MYLK: variants seen among roughly 807,000 people sequenced by gnomAD.
MYLK encodes the protein myosin light chain kinase, smooth muscle.
In MYLK, 106 loss-of-function variants were observed where a neutral mutation model predicts 203.4. The ratio of observed to expected loss-of-function variants is 0.52; its 90% CI spans 0.45 to 0.61. The LOEUF (loss-of-function observed/expected upper bound fraction) is 0.61, where lower values mean the gene tolerates loss of function less well. Ranked by LOEUF, MYLK falls within the 20% of genes least tolerant of loss-of-function variation. The probability of loss-of-function intolerance (pLI) is 0.00; values close to 1 mark genes in which losing one functional copy is unlikely to be tolerated. For synonymous variants in MYLK, 867 were observed against 959.5 expected, an observed-to-expected ratio of 0.90 and a Z score of 1.78; for missense variants, 2,072 against 2,442.3, an observed-to-expected ratio of 0.85 and a Z score of 3.20.
chr3:123,864,118 T>C (rs954847775), intron 2 of MYLK, among the ~76,000 whole-genome samples: 4 of 152,206 alleles, frequency 2.6e-5, no homozygotes, highest in Admixed American at 6.5e-5. Context: ...TACAATTTCA[T>C]TTATGTGAAG....
chr3:123,620,289 T>G lies in MYLK; in HGVS notation c.5286A>C (p.Ala1762=). 1 of 1,614,202 alleles carries G rather than the reference T, an allele frequency of 6.2e-7. No individual in the cohort carries two copies. The highest frequency in any genetic ancestry group is 8.5e-7 in the Non-Finnish European group (1 of 1,180,036). ...TCCTGCCACTGAGCCCTGAGATCAT[T>G]GCCATAGAGGACAGTCTTCCAATGG... ...VRAIGRLSSM[A]MISGLSGRKS... The change falls in exon 32 of 34, where the codon GCA becomes GCC. Residue 1762 remains alanine (A), a synonymous_variant. Transcript: ENST00000360304.
chr3:123,701,624 G>T (rs1576631304), intron 16 of MYLK, 115 bp from the exon 17 acceptor site: 1 of 988,758 alleles, frequency 1.0e-6, no homozygotes, highest in Non-Finnish European at 1.6e-6. Context: ...TCGCCGGCTT[G>T]ACTGAGACAT....
chr3:123,710,323 G>A (rs1185370258), intron 13 of MYLK, among the ~76,000 whole-genome samples: 1 of 148,356 alleles, frequency 6.7e-6, no homozygotes, highest in African/African-American at 2.5e-5. Flanking sequence ...AATGATCTAC[G>A]TGTGTAACAT....
chr3:123,820,869 G>A (rs961874445), intron 3 of MYLK, among the ~76,000 whole-genome samples: 4 of 152,052 alleles, frequency 2.6e-5, no homozygotes, highest in Non-Finnish European at 4.4e-5. Context: ...GATTACGAGT[G>A]TGCACCACCA....
At chr3:123,685,769 G>A (rs866631177) in intron 19 of MYLK, among the ~76,000 whole-genome samples, 15 of 152,138 alleles carry the variant, frequency 9.9e-5, no homozygotes, top group Middle Eastern at 3.4e-3. Flanking sequence ...CTCCGTCCTC[G>A]GCCCTAGGGT....
At chr3:123,819,715 A>G (rs975199522) in intron 3 of MYLK, among the ~76,000 whole-genome samples, 1 of 143,242 alleles carries the variant, frequency 7.0e-6, no homozygotes, top group Non-Finnish European at 1.5e-5. Flanking sequence ...TTATTTTCTT[A>G]TTATTCCTGT....
At chr3:123,820,571 A>G (rs955979040) in intron 3 of MYLK, among the ~76,000 whole-genome samples, 1 of 152,052 alleles carries the variant, frequency 6.6e-6, no homozygotes, top group Non-Finnish European at 1.5e-5. Context: ...TCTAGCTTGC[A>G]GATACCCATG....
Position 123,709,749 on chromosome 3 carries a change from G to C in MYLK, c.1942+7C>G. 1 of 1,613,652 alleles carries C rather than the reference G, an allele frequency of 6.2e-7. No individual in the cohort carries two copies. ...TTAATCCCCAAGAGAGAGCTGCAGA[G>C]ACAGACCTGACACTTGGACAGTCAT... On this transcript the variant is annotated splice_region_variant and intron_variant, in intron 14 of 33. Transcript: ENST00000360304.
chr3:123,679,506 A>G (rs578143051), intron 20 of MYLK, among the ~76,000 whole-genome samples: 42 of 151,800 alleles, frequency 2.8e-4, no homozygotes, highest in Non-Finnish European at 1.0e-4. Context: ...CACCGCTCTC[A>G]GTGTTGGGGT....
chr3:123,635,396 C>T (rs2058603632), intron 29 of MYLK, among the ~76,000 whole-genome samples: 1 of 152,244 alleles, frequency 6.6e-6, no homozygotes, highest in Non-Finnish European at 1.5e-5. Context: ...AACTCCCTGA[C>T]TTCCATCCAT....
At chr3:123,804,248 G>C (rs933255562) in intron 3 of MYLK, among the ~76,000 whole-genome samples, 1 of 152,176 alleles carries the variant, frequency 6.6e-6, no homozygotes. Context: ...TCTTGCAGGG[G>C]GCAGGGAGGG....
At chr3:123,686,124 T>C (rs1311737739) in intron 19 of MYLK, among the ~76,000 whole-genome samples, 1 of 152,168 alleles carries the variant, frequency 6.6e-6, no homozygotes, top group Admixed American at 6.5e-5. Context: ...AAAATAATAG[T>C]AATATAAGTT....
At chr3:123,844,938 C>T (rs2066679209) in intron 2 of MYLK, among the ~76,000 whole-genome samples, 1 of 151,230 alleles carries the variant, frequency 6.6e-6, no homozygotes, top group Admixed American at 6.6e-5. Flanking sequence ...AACTCCTGGC[C>T]TCAAGCAATC....
intron 28 of MYLK, chr3:123,638,856 A>C (rs1011580062): frequency 2.3e-5 from 23 of 985,318 alleles, no homozygotes; most frequent in Non-Finnish European, 2.8e-5. Context: ...AAAGGACCAG[A>C]GATGTCTGTT....
chr3:123,677,902 T>TATATAC (rs2060124883), intron 20 of MYLK, among the ~76,000 whole-genome samples: 2 of 91,248 alleles, frequency 2.2e-5, no homozygotes, highest in Non-Finnish European at 4.2e-5. Context: ...TATATATATA[T>TATATAC]ATATATATAT....
chr3:123,617,386 G>C (rs572386776), intron 33 of MYLK: 4 of 152,316 alleles, frequency 2.6e-5, no homozygotes, highest in African/African-American at 7.2e-5. Flanking sequence ...GCCTTCAGCA[G>C]AATCCCCAGT....
chr3:123,699,310 A>C (rs572649078), intron 18 of MYLK, among the ~76,000 whole-genome samples: 2 of 152,262 alleles, frequency 1.3e-5, no homozygotes, highest in South Asian at 2.1e-4. Flanking sequence ...AAAAGTCCAC[A>C]CAGATGGAAG....
At chr3:123,667,619 AAAAAG>A (rs2059783446) in intron 20 of MYLK, among the ~76,000 whole-genome samples, 1 of 152,198 alleles carries the variant, frequency 6.6e-6, no homozygotes, top group East Asian at 1.9e-4. Context: ...AAAAAAAAGA[AAAAAG>A]AAAGTAAATG....
chr3:123,671,587 C>T (rs140158792), intron 20 of MYLK, among the ~76,000 whole-genome samples: 1 of 152,192 alleles, frequency 6.6e-6, no homozygotes, highest in East Asian at 1.9e-4. Context: ...ACAGCATGGT[C>T]CAAAGTCACC....
Sources: gnomAD v4.1 joint callset for allele counts (sites outside exome capture counted in the v4.1 genomes callset) on GRCh38, gnomAD v4.1.1 for gene constraint, MANE v1.5 for transcripts, NCBI Gene and HGNC (gene_info 2026-07-23, HGNC 2026-07-21) for gene names.